AMBP: variants seen among roughly 807,000 people sequenced by gnomAD.
The protein encoded by AMBP is protein AMBP.
In AMBP, 37 loss-of-function variants were observed where a neutral mutation model predicts 46.3. The ratio of observed to expected loss-of-function variants is 0.80; its 90% CI spans 0.61 to 1.05. The LOEUF (loss-of-function observed/expected upper bound fraction) is 1.05. Ranked by LOEUF, AMBP falls within the 50% of genes least tolerant of loss-of-function variation. AMBP has a pLI of 0.00. For missense variants in AMBP, 475 were observed against 461.2 expected, an observed-to-expected ratio of 1.03 and a Z score of -0.27; for synonymous variants, 174 against 175.9, an observed-to-expected ratio of 0.99 and a Z score of 0.09.
chr9:114,073,954 T>TG, intron 4 of AMBP, 82 bp downstream of exon 4: 1 of 1,338,220 alleles, frequency 7.5e-7, no homozygotes, highest in South Asian at 1.2e-5. Flanking sequence ...CAAAACTCCC[T>TG]GTGCTTACCC....
chr9:114,060,802 T>A (rs2134842640), intron 9 of AMBP, 123 bp downstream of exon 9: 1 of 1,157,856 alleles, frequency 8.6e-7, no homozygotes, highest in South Asian at 1.5e-5. Flanking sequence ...AGAGAGTAGA[T>A]GGGCTGCTTA....
In AMBP at chr9:114,060,974, C is replaced by T; in HGVS notation, c.978G>A (p.Lys326=). The T allele has an allele frequency of 6.2e-7, 1 of 1,614,266 alleles. No homozygotes were observed. The highest frequency in any genetic ancestry group is 8.5e-7 in the Non-Finnish European group (1 of 1,180,048). ...PYGGCQGNGN[K]FYSEKECREY... ...CTCTGCACTCCTTCTCTGAGTAGAA[C>T]TTGTTCCCGTTGCCCTGGCAGCCCC... Residue 326 remains lysine (K), a synonymous_variant, in exon 9 of 10, where the codon AAG becomes AAA. Transcript: ENST00000265132.
At chr9:114,075,997 G>C (rs557657057) in intron 2 of AMBP, among the ~76,000 whole-genome samples, 2 of 152,148 alleles carry the variant, frequency 1.3e-5, no homozygotes, top group African/African-American at 2.4e-5. Context: ...TGGGTGCTGG[G>C]AGGGTCCTGG....
intron 6 of AMBP, among the ~76,000 whole-genome samples, chr9:114,063,145 A>G (rs190435144): frequency 2.9e-4 from 44 of 152,282 alleles, no homozygotes; most frequent in Admixed American, 1.6e-3. Flanking sequence ...CAACTGGTTT[A>G]CAGGAAGGGC....
At chr9:114,064,693 C>T (rs1846676145) in intron 6 of AMBP, among the ~76,000 whole-genome samples, 1 of 152,080 alleles carries the variant, frequency 6.6e-6, no homozygotes, top group Non-Finnish European at 1.5e-5. Flanking sequence ...AAGCATAGCC[C>T]CAGCCCCCAA....
Position 114,060,179 on chromosome 9 carries a change from C to T in AMBP, c.*60G>A. ...TTTGGACCCAGGTTGCTTGGCGCTG[C>T]CTGCCACAGGACCCCGGGACAGACA... On this transcript the variant is annotated 3_prime_UTR_variant, in exon 10 of 10. Transcript: ENST00000265132. 5.8e-6 allele frequency: 9 copies of T among 1,563,480 alleles called. No individual in the cohort carries two copies. The East Asian group carries it at 1.8e-4, about 32-fold the overall frequency.
intron 4 of AMBP, among the ~76,000 whole-genome samples, chr9:114,073,711 G>A (rs929110132): frequency 2.0e-5 from 3 of 152,028 alleles, no homozygotes; most frequent in Admixed American, 6.5e-5. Context: ...ATTGCCCAAG[G>A]TGGTCTCAAA....
intron 2 of AMBP, 56 bp downstream of exon 2, chr9:114,076,542 G>A: frequency 6.3e-7 from 1 of 1,594,232 alleles, no homozygotes; most frequent in Non-Finnish European, 8.5e-7. Context: ...ACGGGGCTGG[G>A]AAGGTTGTGG....
chr9:114,074,825 G>A (rs547263899), intron 3 of AMBP, 135 bp downstream of exon 3: 2 of 720,412 alleles, frequency 2.8e-6, no homozygotes, highest in African/African-American at 3.5e-5. Flanking sequence ...AGGAAGAGGA[G>A]GAGTTGTTTG....
intron 5 of AMBP, among the ~76,000 whole-genome samples, chr9:114,071,120 C>A (rs1846740064): frequency 6.6e-6 from 1 of 152,178 alleles, no homozygotes; most frequent in African/African-American, 2.4e-5. Flanking sequence ...GGAGCCCTGC[C>A]CCTTCTGAAT....
chr9:114,076,816 A>C, intron 1 of AMBP, 76 bp from the exon 2 acceptor site: 1 of 1,521,096 alleles, frequency 6.6e-7, no homozygotes, highest in East Asian at 2.3e-5. Context: ...TCTGCTCCCC[A>C]CCCTCCACCT....
chr9:114,075,092 C>T (rs1846791708), intron 2 of AMBP, 56 bp from the exon 3 acceptor site: 6 of 1,438,080 alleles, frequency 4.2e-6, no homozygotes, highest in Non-Finnish European at 9.8e-7. Context: ...ATGGTCCTGA[C>T]ACTCAACCCT....
In AMBP at chr9:114,074,127, A is replaced by G. The variant is rs201667835; in HGVS notation, c.363T>C (p.Tyr121=). 5 of 1,614,032 alleles carry G rather than the reference A, an allele frequency of 3.1e-6. No individual in the cohort carries two copies. The African/African-American group carries it at 4.0e-5, about 13-fold the overall frequency. The part of the protein sequence containing the change: ...KSKWNITMES[Y]VVHTNYDEYA... ...ACTCATCATAGTTGGTGTGGACCAC[A>G]TAGGACTCCATGGTTATGTTCCATT... is the stretch of plus-strand genomic sequence containing the variant. Residue 121 remains tyrosine (Y), a synonymous_variant, in exon 4 of 10, where the codon TAT becomes TAC. Coordinates refer to ENST00000265132, the MANE Select transcript of AMBP (RefSeq NM_001633.4).
chr9:114,071,668 G>A (rs1025840180), intron 5 of AMBP, among the ~76,000 whole-genome samples: 10 of 152,224 alleles, frequency 6.6e-5, no homozygotes, highest in Admixed American at 5.9e-4. Flanking sequence ...CCTACCCATG[G>A]CCGCCCATGG....
Position 114,062,766 on chromosome 9 carries a change from G to C in AMBP, c.604-8C>G. ...CACAGCCCTCCGGACTCTCTGCGGG[G>C]GAGAGAAAGAGAAGAAGCAGTTGCA... On this transcript the variant is annotated splice_polypyrimidine_tract_variant and splice_region_variant and intron_variant, in intron 6 of 9. Coordinates refer to ENST00000265132, the MANE Select transcript of AMBP (RefSeq NM_001633.4). 6.2e-7 allele frequency: 1 copy of C among 1,613,974 alleles called. No individual in the cohort carries two copies. Among genetic ancestry groups the C allele is most frequent in the Non-Finnish European group, 8.5e-7 (1 of 1,179,926 alleles).
chr9:114,075,720 T>G (rs1210570217), intron 2 of AMBP, among the ~76,000 whole-genome samples: 1 of 151,974 alleles, frequency 6.6e-6, no homozygotes, highest in Non-Finnish European at 1.5e-5. Context: ...AAGTACCACA[T>G]GGGGGTAAGT....
rs199571996 is a variant in AMBP, at chr9:114,073,024, G to A, written c.457C>T (p.Arg153Trp). The A allele has an allele frequency of 2.5e-6, 4 of 1,612,316 alleles. No homozygotes were observed. The highest frequency in any genetic ancestry group is 1.1e-5 in the South Asian group (1 of 90,724). The stretch of plus-strand genomic sequence containing the variant: ...AGAGTTTCCCTCAGCTGCGGCGCCC[G>A]CCCTGCAAGGAGGAAGCAGAGGAGA... Reference protein sequence around the residue: ...GPTITAKLYGRAPQLRETLLQ... With the variant: ...GPTITAKLYGWAPQLRETLLQ... Residue 153 changes from arginine (R) to tryptophan (W), a missense_variant and splice_region_variant, in exon 5 of 10, where the codon CGG becomes TGG. Arg to Trp is a moderately radical substitution (Grantham distance 101). Transcript: ENST00000265132.
At chr9:114,076,486 G>T (rs576424607) in intron 2 of AMBP, 112 bp downstream of exon 2, 5 of 1,469,426 alleles carry the variant, frequency 3.4e-6, no homozygotes, top group South Asian at 1.3e-5. Context: ...GGGGTTCAGC[G>T]GGAAGGTCCT....
At chr9:114,069,307 A>G (rs1351474774) in intron 6 of AMBP, among the ~76,000 whole-genome samples, 1 of 152,212 alleles carries the variant, frequency 6.6e-6, no homozygotes, top group African/African-American at 2.4e-5. Flanking sequence ...AGGGAAATCA[A>G]TTGATTTCTT....
Sources: allele counts gnomAD v4.1 joint callset (sites outside exome capture counted in the v4.1 genomes callset), GRCh38; gene constraint gnomAD v4.1.1; transcripts MANE v1.5; gene names NCBI Gene and HGNC (gene_info 2026-07-23, HGNC 2026-07-21).